Variants in ATP8B4 observed in about 807,000 individuals in gnomAD.
ATP8B4 encodes the protein ATPase phospholipid transporting 8B4 (putative).
A neutral mutation model predicts 145.6 loss-of-function variants in ATP8B4; 133 were observed. The observed-to-expected ratio is 0.91, with a 90% CI of 0.79 to 1.05. The LOEUF (loss-of-function observed/expected upper bound fraction) is 1.05. ATP8B4 is among the 50% of genes least tolerant of loss of function. The pLI is 0.00. For missense variants in ATP8B4, 1,458 were observed against 1,425.2 expected (o/e 1.02, Z -0.37); for synonymous variants, 507 against 492.9 (o/e 1.03, Z -0.38).
chr15:50,074,616 C>A (rs2054061459), intron 2 of ATP8B4, among the ~76,000 whole-genome samples: 1 of 152,144 alleles, frequency 6.6e-6, no homozygotes, highest in Admixed American at 6.6e-5. Flanking sequence ...AGTGAGGTCA[C>A]TGACCTTATG....
intron 19 of ATP8B4, among the ~76,000 whole-genome samples, chr15:49,917,556 T>C (rs2039870637): frequency 6.6e-6 from 1 of 152,182 alleles, no homozygotes; most frequent in Non-Finnish European, 1.5e-5. Context: ...CATTTTCCCA[T>C]TAAATATATG....
intron 6 of ATP8B4, among the ~76,000 whole-genome samples, chr15:50,015,827 T>A (rs773992710): frequency 6.6e-6 from 1 of 152,216 alleles, no homozygotes; most frequent in Non-Finnish European, 1.5e-5. Context: ...TTTTAAAGAA[T>A]GCAGATGTTT....
At chr15:50,084,138 C>T (rs1409580248) in intron 2 of ATP8B4, among the ~76,000 whole-genome samples, 2 of 152,122 alleles carry the variant, frequency 1.3e-5, no homozygotes, top group African/African-American at 4.8e-5. Context: ...GACTACACCA[C>T]CGTGATGTAA....
chr15:50,039,649 C>T lies in ATP8B4; in HGVS notation c.301-820G>A, dbSNP rs545768231. On this transcript the variant is annotated intron_variant, in intron 5 of 27. Transcript: ENST00000284509. ...ATTTCAGCAAATTAGCCTACATGCACAGATGAATAGGGGTAGTCTTTTCAG... is the reference window on the plus strand; with the variant it reads ...ATTTCAGCAAATTAGCCTACATGCATAGATGAATAGGGGTAGTCTTTTCAG... Among the ~76,000 whole-genome samples the T allele has an allele frequency of 6.6e-4, 100 of 152,340 alleles. 1 individual carries two copies. The highest frequency in any genetic ancestry group is 2.2e-3 in the African/African-American group (92 of 41,572).
Position 50,047,335 on chromosome 15 carries a change from A to G in ATP8B4, c.201+16T>C, listed in dbSNP as rs752849817. 1.5e-4 allele frequency: 222 copies of G among 1,435,060 alleles called. 3 individuals are homozygous for G. In the East Asian group the frequency reaches 5.0e-3, roughly 32 times the overall value. 88.9% of individuals were successfully genotyped at this position (1,435,060 alleles called of 1,614,324 possible). Reference sequence around the variant, plus strand: ...TTAAACAAACAGATAATAGAGAAATACAACCTAAATATTACCTGTAAAATC... The same window carrying G: ...TTAAACAAACAGATAATAGAGAAATGCAACCTAAATATTACCTGTAAAATC... On this transcript the variant is annotated intron_variant, in intron 4 of 27. Transcript: ENST00000284509.
chr15:50,168,391 C>T (rs1159964786), intron 1 of ATP8B4, among the ~76,000 whole-genome samples: 1 of 152,098 alleles, frequency 6.6e-6, no homozygotes, highest in Non-Finnish European at 1.5e-5. Context: ...GGTAGACCCT[C>T]CTCTCTCAAA....
At chr15:49,897,986 A>G in intron 22 of ATP8B4, 82 bp downstream of exon 22, 8 of 1,461,620 alleles carry the variant, frequency 5.5e-6, no homozygotes, top group African/African-American at 1.4e-5. Flanking sequence ...TTTTAATGCA[A>G]TCTAGTGATT....
intron 1 of ATP8B4, among the ~76,000 whole-genome samples, chr15:50,140,017 G>A (rs2044186083): frequency 6.6e-6 from 1 of 152,036 alleles, no homozygotes; most frequent in Admixed American, 6.6e-5. Context: ...AGATTCAGAA[G>A]GGGAATGATG....
chr15:50,088,711 C>T (rs945541719), intron 2 of ATP8B4, among the ~76,000 whole-genome samples: 3 of 152,180 alleles, frequency 2.0e-5, no homozygotes, highest in Non-Finnish European at 2.9e-5. Flanking sequence ...GAGCTCCATG[C>T]AGGTTGAGGG....
intron 1 of ATP8B4, among the ~76,000 whole-genome samples, chr15:50,144,795 T>C (rs2044256053): frequency 6.6e-6 from 1 of 152,122 alleles, no homozygotes; most frequent in African/African-American, 2.4e-5. Flanking sequence ...GGCCTACCTT[T>C]CCCTAACTAT....
At chr15:50,138,911 A>G (rs1479930975) in intron 1 of ATP8B4, among the ~76,000 whole-genome samples, 2 of 152,192 alleles carry the variant, frequency 1.3e-5, no homozygotes, top group Non-Finnish European at 2.9e-5. Flanking sequence ...AAATTGTGTG[A>G]ATAGATAAGG....
chr15:50,181,805 G>A (rs1158484847), intron 1 of ATP8B4, among the ~76,000 whole-genome samples: 1 of 152,186 alleles, frequency 6.6e-6, no homozygotes, highest in Non-Finnish European at 1.5e-5. Flanking sequence ...ATTCTGGTTT[G>A]GCAGTGGCAC....
intron 2 of ATP8B4, among the ~76,000 whole-genome samples, chr15:50,081,936 T>TA (rs1440439372): frequency 2.0e-5 from 3 of 152,172 alleles, no homozygotes; most frequent in Admixed American, 2.0e-4. Context: ...AACTCAGTGA[T>TA]AAAGACTGAT....
At chr15:50,070,009 T>C (rs894150597) in intron 3 of ATP8B4, among the ~76,000 whole-genome samples, 4 of 152,322 alleles carry the variant, frequency 2.6e-5, no homozygotes, top group African/African-American at 9.6e-5. Flanking sequence ...CATTTCCATA[T>C]ATTAAAAAAG....
chr15:49,970,743 A>G (rs2045035395), intron 13 of ATP8B4, among the ~76,000 whole-genome samples: 1 of 152,202 alleles, frequency 6.6e-6, no homozygotes, highest in South Asian at 2.1e-4. Context: ...GCTACCATTG[A>G]CTTTCTTCAC....
intron 5 of ATP8B4, among the ~76,000 whole-genome samples, chr15:50,039,160 T>A (rs889521684): frequency 6.6e-6 from 1 of 152,228 alleles, no homozygotes; most frequent in African/African-American, 2.4e-5. Flanking sequence ...AATTTTGATG[T>A]CTTTAACAAG....
intron 1 of ATP8B4, among the ~76,000 whole-genome samples, chr15:50,136,011 C>T (rs187697938): frequency 1.3e-3 from 205 of 152,258 alleles, no homozygotes; most frequent in African/African-American, 4.6e-3. Flanking sequence ...TTTCCTCTTC[C>T]GAACTATTGA....
At chr15:49,927,718 AG>A (rs1567009598) in intron 16 of ATP8B4, among the ~76,000 whole-genome samples, 1 of 152,126 alleles carries the variant, frequency 6.6e-6, no homozygotes, top group African/African-American at 2.4e-5. Context: ...CAGAGCAAAA[AG>A]AAACCAACTC....
At chr15:50,022,643 C>G (rs559660939) in intron 6 of ATP8B4, among the ~76,000 whole-genome samples, 1 of 152,294 alleles carries the variant, frequency 6.6e-6, no homozygotes, top group South Asian at 2.1e-4. Context: ...AACTGCGACA[C>G]GCTCCCCTGG....
Sources: gnomAD v4.1 joint callset for allele counts (sites outside exome capture counted in the v4.1 genomes callset) on GRCh38, gnomAD v4.1.1 for gene constraint, MANE v1.5 for transcripts, NCBI Gene and HGNC (gene_info 2026-07-23, HGNC 2026-07-21) for gene names.